ACTL6A: variants seen among roughly 807,000 people sequenced by gnomAD.
ACTL6A encodes actin-like protein 6A.
ACTL6A carries 5 observed loss-of-function variants against 59.2 expected under a neutral mutation model. The ratio of observed to expected loss-of-function variants is 0.08; its 90% CI spans 0.04 to 0.18. ACTL6A has a LOEUF of 0.18. ACTL6A is among the 10% of genes least tolerant of loss of function. The pLI is 1.00. For synonymous variants in ACTL6A, 154 were observed against 171.8 expected, an observed-to-expected ratio of 0.90 and a Z score of 0.81; for missense variants, 285 against 526.9, an observed-to-expected ratio of 0.54 and a Z score of 4.49.
intron 13 of ACTL6A, among the ~76,000 whole-genome samples, chr3:179,586,998 C>T: frequency 6.6e-6 from 1 of 152,104 alleles, no homozygotes; most frequent in East Asian, 1.9e-4. Flanking sequence ...GTGAGATCTA[C>T]AGTGAGGTCT....
Position 179,588,024 on chromosome 3 carries a change from A to G in ACTL6A, c.*14A>G. On this transcript the variant is annotated 3_prime_UTR_variant, in exon 14 of 14. Transcript: ENST00000429709. ...AAATGCCCTTGAGAAAGAGTTCCCAAGCTTCTACCTTCCTTTTGTCACCTT... is the reference window on the plus strand; with the variant it reads ...AAATGCCCTTGAGAAAGAGTTCCCAGGCTTCTACCTTCCTTTTGTCACCTT... The G allele has an allele frequency of 6.3e-7, 1 of 1,579,698 alleles. No individual in the cohort carries two copies.
chr3:179,566,145 G>A (rs1717828321), intron 1 of ACTL6A, among the ~76,000 whole-genome samples: 1 of 152,190 alleles, frequency 6.6e-6, no homozygotes, highest in African/African-American at 2.4e-5. Context: ...CTTCAGATGT[G>A]TTGAATTTGA....
chr3:179,583,354 G>T lies in ACTL6A; in HGVS notation c.1028G>T (p.Gly343Val), dbSNP rs1416745363. 1.2e-6 allele frequency: 2 copies of T among 1,607,286 alleles called. No homozygotes were observed. Among genetic ancestry groups the T allele is most frequent in the African/African-American group, 1.3e-5 (1 of 74,640 alleles). ...VGMCDIDIRP[G>V]LYGSVIVAGG... ...ATTTTTCTTGTATTTTTATCCTAGG[G>T]TCTCTATGGCAGTGTAATAGTGGCA... The change falls in exon 12 of 14, where the codon GGT becomes GTT. Residue 343 changes from glycine to valine, a missense_variant and splice_region_variant. By Grantham distance (109) the Gly-to-Val change is moderately radical (BLOSUM62 -3). Coordinates refer to ENST00000429709, the MANE Select transcript of ACTL6A (RefSeq NM_004301.5).
intron 1 of ACTL6A, 141 bp from the exon 2 acceptor site, chr3:179,569,683 G>C (rs1475358809): frequency 1.4e-6 from 1 of 703,652 alleles, no homozygotes; most frequent in Non-Finnish European, 2.4e-6. Flanking sequence ...AAAAATTTAA[G>C]AAATTCATTG....
intron 8 of ACTL6A, among the ~76,000 whole-genome samples, chr3:179,580,191 G>A (rs1032278270): frequency 1.3e-5 from 2 of 152,188 alleles, no homozygotes; most frequent in Non-Finnish European, 2.9e-5. Context: ...TCTAGAGGTC[G>A]TGTTAGTTCA....
chr3:179,563,143 A>G (rs1470579169), intron 1 of ACTL6A, 26 bp downstream of exon 1: 1 of 1,608,286 alleles, frequency 6.2e-7, no homozygotes, highest in African/African-American at 1.3e-5. Context: ...CGGACGAGAG[A>G]GCGCGCCTTT....
At chr3:179,565,788 A>G (rs956111793) in intron 1 of ACTL6A, among the ~76,000 whole-genome samples, 1 of 152,196 alleles carries the variant, frequency 6.6e-6, no homozygotes, top group Non-Finnish European at 1.5e-5. Flanking sequence ...AAATACAGTG[A>G]TGAGAAACCA....
At chr3:179,565,014 C>A (rs75643946) in intron 1 of ACTL6A, among the ~76,000 whole-genome samples, 33 of 151,314 alleles carry the variant, frequency 2.2e-4, no homozygotes, top group Non-Finnish European at 4.4e-4. Context: ...TATGTCTTAA[C>A]AGTGCTGGCG....
rs1718500959 is a variant in ACTL6A, at chr3:179,586,644, A to G, written c.1209+12A>G. 1 of 1,583,908 alleles carries G rather than the reference A, an allele frequency of 6.3e-7. No individual in the cohort carries two copies. Reference sequence around the variant, plus strand: ...TTCTAGCCTCTTTGGTTAGTAGATGAGCTACTTTGCAAAAATATTCTTACT... The same window carrying G: ...TTCTAGCCTCTTTGGTTAGTAGATGGGCTACTTTGCAAAAATATTCTTACT... On this transcript the variant is annotated intron_variant, in intron 13 of 13. Transcript: ENST00000429709.
rs560141981 is a variant in ACTL6A at position 179,583,392 on chromosome 3, C to T, written c.1066C>T (p.Leu356=). 3 of 1,613,458 alleles carry T rather than the reference C, an allele frequency of 1.9e-6. No homozygotes were observed. The East Asian group carries it at 6.7e-5, about 36-fold the overall frequency. ...TGTAATAGTGGCAGGAGGAAACACA[C>T]TAATACAGAGTTTTACTGACAGGTT... is the stretch of plus-strand genomic sequence containing the variant. ...GSVIVAGGNT[L]IQSFTDRLNR... is the part of the protein sequence containing the mutation. Residue 356 remains leucine (L), a synonymous_variant, in exon 12 of 14, where the codon CTA becomes TTA. Coordinates refer to ENST00000429709, the MANE Select transcript of ACTL6A (RefSeq NM_004301.5).
In ACTL6A at chr3:179,588,117, G is replaced by A. The variant is rs1718568040; in HGVS notation, c.*107G>A. On this transcript the variant is annotated 3_prime_UTR_variant, in exon 14 of 14. Transcript: ENST00000429709. ...TTTTGTAGAATGTTTATACATTTTT[G>A]CATATTTCAATTTCCACTTAAATTT... is the stretch of plus-strand genomic sequence containing the variant. The A allele has an allele frequency of 2.4e-6, 2 of 823,330 alleles. No homozygotes were observed. Among genetic ancestry groups the A allele is most frequent in the African/African-American group, 1.8e-5 (1 of 55,190 alleles). 51.0% of individuals were successfully genotyped at this position (823,330 alleles called of 1,614,324 possible). A position where few individuals can be genotyped will look rare whatever the true frequency, so the allele number is the denominator to read the frequency against.
At chr3:179,577,723 C>T (rs768701793) in intron 8 of ACTL6A, among the ~76,000 whole-genome samples, 3 of 151,860 alleles carry the variant, frequency 2.0e-5, no homozygotes, top group Non-Finnish European at 2.9e-5. Flanking sequence ...TAAGTGAGAA[C>T]GTGCTGTATT....
At chr3:179,571,279 A>G (rs1297474051) in intron 3 of ACTL6A, among the ~76,000 whole-genome samples, 1 of 151,998 alleles carries the variant, frequency 6.6e-6, no homozygotes, top group Non-Finnish European at 1.5e-5. Flanking sequence ...AAAATTTGAC[A>G]GGTGTGGTGA....
chr3:179,581,328 C>A, intron 11 of ACTL6A, 108 bp downstream of exon 11: 1 of 901,932 alleles, frequency 1.1e-6, no homozygotes, highest in Non-Finnish European at 1.8e-6. Flanking sequence ...GTGTCATTGA[C>A]TTTGAGGTTC....
At chr3:179,566,993 A>C (rs1717856582) in intron 1 of ACTL6A, among the ~76,000 whole-genome samples, 1 of 151,890 alleles carries the variant, frequency 6.6e-6, no homozygotes, top group Non-Finnish European at 1.5e-5. Flanking sequence ...GCCCTGCCTG[A>C]ATTTTCTCTT....
At position 179,570,288 on chromosome 3, in the gene ACTL6A, AT is replaced by A; in HGVS notation, c.277+51del. The A allele has an allele frequency of 6.8e-7, 1 of 1,480,950 alleles. No individual in the cohort carries two copies. The highest frequency in any genetic ancestry group is 1.4e-5 in the South Asian group (1 of 73,150). The allele number at this position is 1,480,950 out of a possible 1,614,324, so 91.7% of individuals were successfully genotyped here. A position where few individuals can be genotyped will look rare whatever the true frequency, so the allele number is the denominator to read the frequency against. ...ATTGATTATGGAGTGTACATGTTAT[AT>A]TTTAGATACAAAGTAGTAGCTTCCT... On this transcript the variant is annotated intron_variant, in intron 3 of 13. Transcript: ENST00000429709. This position sits in a 1 kb window ranked among gnomAD's most constrained non-coding sequence, Gnocchi z 4.3.
intron 8 of ACTL6A, among the ~76,000 whole-genome samples, chr3:179,579,455 T>TACACACACACACACACACACACACAC (rs10650822): frequency 9.7e-5 from 14 of 145,054 alleles, no homozygotes; most frequent in East Asian, 4.1e-4. Context: ...TTATATCATA[T>TACACACACACACACACACACACACAC]ACACACACAC....
chr3:179,566,001 A>G (rs1717824118), intron 1 of ACTL6A, among the ~76,000 whole-genome samples: 1 of 152,150 alleles, frequency 6.6e-6, no homozygotes, highest in Non-Finnish European at 1.5e-5. Context: ...ATTAAAAAGG[A>G]GGGGATTTGA....
chr3:179,582,777 A>G (rs1181072907), intron 11 of ACTL6A, among the ~76,000 whole-genome samples: 1 of 152,166 alleles, frequency 6.6e-6, no homozygotes, highest in Non-Finnish European at 1.5e-5. Flanking sequence ...ATATTTCCAG[A>G]TGAGCATTCT....
Sources: gnomAD v4.1 joint callset for allele counts (sites outside exome capture counted in the v4.1 genomes callset) on GRCh38, gnomAD v4.1.1 for gene constraint, Gnocchi (gnomAD v3.1) non-coding constraint, MANE v1.5 for transcripts, NCBI Gene and HGNC (gene_info 2026-07-23, HGNC 2026-07-21) for gene names.